The following STK31 variants were observed in gnomAD, a reference collection of about 807,000 sequenced individuals.
The protein encoded by STK31 is serine/threonine kinase 31, also known as serine/threonine-protein kinase 31.
A neutral mutation model predicts 129.7 loss-of-function variants in STK31; 89 were observed. The ratio of observed to expected loss-of-function variants is 0.69; its 90% confidence interval spans 0.58 to 0.82. The LOEUF is 0.82. Among genes scored for constraint, STK31 ranks in the 40% least tolerant of loss-of-function variants. The pLI, the probability that STK31 is intolerant of heterozygous loss-of-function variation, is 0.00. For missense variants in STK31, 1,187 were observed against 1,176.4 expected, an observed-to-expected ratio of 1.01 and a Z score of -0.13; for synonymous variants, 448 against 395.3, an observed-to-expected ratio of 1.13 and a Z score of -1.58.
intron 15 of STK31, among the ~76,000 whole-genome samples, chr7:23,772,876 T>A (rs1490567332): frequency 6.6e-6 from 1 of 152,198 alleles, no homozygotes; most frequent in Non-Finnish European, 1.5e-5. Context: ...ATCTGTATTA[T>A]GCCTTAATCC....
intron 8 of STK31, among the ~76,000 whole-genome samples, chr7:23,748,952 A>C (rs1584377957): frequency 2.6e-5 from 4 of 152,188 alleles, no homozygotes; most frequent in Admixed American, 2.0e-4. Context: ...GTTAATTATC[A>C]ACTGTACACT....
chr7:23,759,526 A>G (rs974062724), intron 10 of STK31, among the ~76,000 whole-genome samples: 2 of 152,292 alleles, frequency 1.3e-5, no homozygotes, highest in East Asian at 1.9e-4. Context: ...TTTGTGTAAA[A>G]CCTTTAACTT....
chr7:23,756,734 T>G (rs935031392), intron 10 of STK31, among the ~76,000 whole-genome samples: 22 of 152,240 alleles, frequency 1.4e-4, no homozygotes, highest in African/African-American at 5.3e-4. Context: ...CCTTTCTGCA[T>G]CTATTGAGAT....
intron 23 of STK31, among the ~76,000 whole-genome samples, chr7:23,821,609 C>A (rs894561700): frequency 1.3e-5 from 2 of 152,096 alleles, no homozygotes; most frequent in South Asian, 4.1e-4. Flanking sequence ...TTGTCTCTTA[C>A]ACTCTGTTGA....
chr7:23,815,170 G>C lies in STK31; in HGVS notation c.2787G>C (p.Glu929Asp). The C allele has an allele frequency of 6.3e-7, 1 of 1,599,766 alleles. No homozygotes were observed. Among genetic ancestry groups the C allele is most frequent in the South Asian group, 1.1e-5 (1 of 88,426 alleles). ...TTTCTGTTCAAAATCAGGAGTTTGAGATAAATAAAGATGGAATCCCCAAAG... is the reference window on the plus strand; with the variant it reads ...TTTCTGTTCAAAATCAGGAGTTTGACATAAATAAAGATGGAATCCCCAAAG... ...LWLSVQNQEFEINKDGIPKVD... is the reference protein window; with the variant it reads ...LWLSVQNQEFDINKDGIPKVD... The change falls in exon 23 of 24, where the codon GAG becomes GAC. Residue 929 changes from glutamate to aspartate, a missense_variant. Coordinates refer to ENST00000355870, the MANE Select transcript of STK31 (RefSeq NM_031414.5).
intron 23 of STK31, among the ~76,000 whole-genome samples, chr7:23,831,451 G>T (rs1386310579): frequency 1.3e-5 from 2 of 151,830 alleles, no homozygotes; most frequent in African/African-American, 2.4e-5. Context: ...GTTTCCTTTT[G>T]TATGGAACAT....
intron 4 of STK31, chr7:23,721,516 T>G: frequency 1.0e-6 from 1 of 988,204 alleles, no homozygotes. Context: ...CAAATATGTA[T>G]GTGTTAGTTC....
chr7:23,753,003 G>A (rs913515988), intron 9 of STK31, among the ~76,000 whole-genome samples, 171 bp downstream of exon 9: 5 of 152,122 alleles, frequency 3.3e-5, no homozygotes. Flanking sequence ...TACTGTTTTT[G>A]TCAGGTTTCT....
At chr7:23,788,494 C>A (rs12375123) in intron 21 of STK31, among the ~76,000 whole-genome samples, 1 of 152,164 alleles carries the variant, frequency 6.6e-6, no homozygotes, top group African/African-American at 2.4e-5. Context: ...TTTACATATA[C>A]GTACTTTGCT....
At chr7:23,802,078 C>T (rs191866404) in intron 22 of STK31, among the ~76,000 whole-genome samples, 17 of 151,986 alleles carry the variant, frequency 1.1e-4, no homozygotes, top group South Asian at 2.1e-4. Context: ...TAAGGTCAGC[C>T]GAGAGAAAGG....
At chr7:23,710,617 A>G (rs1313251745) in intron 1 of STK31, 1 of 1,264,060 alleles carries the variant, frequency 7.9e-7, no homozygotes, top group Non-Finnish European at 1.0e-6. Context: ...ATTCTGTGCC[A>G]TTTAAGTTTC....
rs1458533229 is a variant in STK31, at chr7:23,737,081, A to G, written c.1017+3A>G. On this transcript the variant is annotated splice_donor_region_variant and intron_variant, in intron 8 of 23. Coordinates refer to ENST00000355870, the MANE Select transcript of STK31 (RefSeq NM_031414.5). Reference sequence around the variant, plus strand: ...AGCAGATTGCCCAGGAGCTGCAGGTATGTTCAGTGGCTTAAGGTGAAGAGT... The same window carrying G: ...AGCAGATTGCCCAGGAGCTGCAGGTGTGTTCAGTGGCTTAAGGTGAAGAGT... 1.2e-6 allele frequency: 2 copies of G among 1,600,124 alleles called. No homozygotes were observed. The highest frequency in any genetic ancestry group is 1.7e-6 in the Non-Finnish European group (2 of 1,177,080).
intron 22 of STK31, among the ~76,000 whole-genome samples, chr7:23,810,731 G>T (rs1477146670): frequency 6.3e-5 from 4 of 63,646 alleles, no homozygotes; most frequent in African/African-American, 9.4e-5. Context: ...ATATAAAATA[G>T]ATATATATAA....
At position 23,807,955 on chromosome 7, in the gene STK31, A is replaced by G. The variant is rs543384274; in HGVS notation, c.2761-7189A>G. Among the ~76,000 whole-genome samples the G allele has an allele frequency of 3.3e-5, 5 of 150,552 alleles. No individual in the cohort carries two copies. In the South Asian group the frequency reaches 1.1e-3, roughly 32 times the overall value. The stretch of plus-strand genomic sequence containing the variant: ...TTTTAAAAATTTAAGTGTGTTTGTA[A>G]TTGCTCTATGCAGCATTTTTATGAT... On this transcript the variant is annotated intron_variant, in intron 22 of 23. Transcript: ENST00000355870.
intron 3 of STK31, among the ~76,000 whole-genome samples, chr7:23,714,276 A>G (rs922073638): frequency 2.0e-5 from 3 of 152,230 alleles, no homozygotes; most frequent in Non-Finnish European, 4.4e-5. Flanking sequence ...GGTTGCTCAC[A>G]CGTTCTGGTT....
At chr7:23,769,245 T>G in intron 12 of STK31, 71 bp downstream of exon 12, 3 of 1,359,512 alleles carry the variant, frequency 2.2e-6, no homozygotes, top group Non-Finnish European at 1.9e-6. Context: ...AATCACGCGC[T>G]TTGTTCAAGA....
At chr7:23,739,050 A>G (rs1333096086) in intron 8 of STK31, among the ~76,000 whole-genome samples, 1 of 152,240 alleles carries the variant, frequency 6.6e-6, no homozygotes, top group African/African-American at 2.4e-5. Context: ...AGGAATTGCC[A>G]CACTGTCTTC....
rs1294337480 is a variant in STK31, at chr7:23,735,825, G to A, written c.771G>A (p.Gly257=). 1.2e-6 allele frequency: 2 copies of A among 1,610,962 alleles called. No homozygotes were observed. The highest frequency in any genetic ancestry group is 2.2e-5 in the East Asian group (1 of 44,822). ...SNQSTFSRPK[G]HLSEKMTLDL... ...AGTCAACCTTCAGCAGGCCCAAGGG[G>A]CACTTAAGTGAGAAAATGACTCTTG... The change falls in exon 7 of 24, where the codon GGG becomes GGA. Residue 257 remains glycine, a synonymous_variant. Transcript: ENST00000355870.
intron 7 of STK31, 129 bp from the exon 8 acceptor site, chr7:23,736,775 A>T: frequency 1.5e-6 from 1 of 647,638 alleles, no homozygotes; most frequent in Non-Finnish European, 2.4e-6. Context: ...TGAACTAGGT[A>T]AATATTTTAG....
Sources: allele counts gnomAD v4.1 joint callset (sites outside exome capture counted in the v4.1 genomes callset), GRCh38; gene constraint gnomAD v4.1.1; transcripts MANE v1.5; gene names NCBI Gene and HGNC (gene_info 2026-07-23, HGNC 2026-07-21).